The following NTAQ1 variants were observed in gnomAD, a reference collection of about 807,000 sequenced individuals.
NTAQ1 encodes the protein N-terminal glutamine amidase 1.
Under a neutral mutation model 28.2 loss-of-function variants are expected in NTAQ1, and 21 were observed. The ratio of observed to expected loss-of-function variants is 0.74; its 90% CI spans 0.53 to 1.07. The LOEUF is 1.07. NTAQ1 is among the 50% of genes least tolerant of loss of function. The pLI, the probability that NTAQ1 is intolerant of heterozygous loss-of-function variation, is 0.00. For synonymous variants in NTAQ1, 105 were observed against 90.0 expected, an observed-to-expected ratio of 1.17 and a Z score of -0.94; for missense variants, 264 against 256.6, an observed-to-expected ratio of 1.03 and a Z score of -0.20.
At chr8:123,437,130 A>T (rs1158420703) in intron 4 of NTAQ1, 80 bp from the exon 5 acceptor site, 1 of 1,567,726 alleles carries the variant, frequency 6.4e-7, no homozygotes, top group Non-Finnish European at 8.7e-7. Flanking sequence ...ATGTCATAGG[A>T]AATGAGTCGA....
Position 123,441,703 on chromosome 8 carries a change from G to C in NTAQ1, c.*288G>C, listed in dbSNP as rs1815078286. The C allele has an allele frequency of 5.7e-6, 2 of 353,438 alleles. No individual in the cohort carries two copies. Among genetic ancestry groups the C allele is most frequent in the Admixed American group, 8.2e-5 (2 of 24,510 alleles). The allele number at this position is 353,438 out of a possible 1,614,324, so 21.9% of individuals were successfully genotyped here. On this transcript the variant is annotated 3_prime_UTR_variant, in exon 6 of 6. Transcript: ENST00000287387. Reference sequence around the variant, plus strand: ...GCCAGTAATCGTTTTTGTTCAGATAGAGGTGTGGAGGTAGAGCCAGCCCCT... The same window carrying C: ...GCCAGTAATCGTTTTTGTTCAGATACAGGTGTGGAGGTAGAGCCAGCCCCT...
intron 3 of NTAQ1, 129 bp downstream of exon 3, chr8:123,430,162 C>T: frequency 1.8e-6 from 1 of 562,500 alleles, no homozygotes; most frequent in Non-Finnish European, 3.1e-6. Context: ...ATAAATTGAC[C>T]TTTTGAGAAT....
chr8:123,440,127 C>T lies in NTAQ1; in HGVS notation c.509-1179C>T, dbSNP rs75403659. The stretch of plus-strand genomic sequence containing the variant: ...CTGAGATTATAGGCATGAGCCACCA[C>T]GCTGGCCAGGATTAACTCCTTTTTT... On this transcript the variant is annotated intron_variant, in intron 5 of 5. Transcript: ENST00000287387. Among the ~76,000 whole-genome samples, 559 of 144,774 alleles carry T rather than the reference C, an allele frequency of 3.9e-3. 4 individuals are homozygous for T. Among genetic ancestry groups the T allele is most frequent in the African/African-American group, 0.014 (524 of 38,724 alleles). 95.0% of individuals were successfully genotyped at this position (144,774 alleles called of 152,430 possible).
At chr8:123,427,551 AGCCACCAC>A (rs1408920076) in intron 1 of NTAQ1, among the ~76,000 whole-genome samples, 1 of 152,160 alleles carries the variant, frequency 6.6e-6, no homozygotes, top group African/African-American at 2.4e-5. Flanking sequence ...TACTGGCCTG[AGCCACCAC>A]GCCTGGCCTT....
At chr8:123,463,843 C>G (rs1193158963) in intron 6 of NTAQ1, among the ~76,000 whole-genome samples, 1 of 152,136 alleles carries the variant, frequency 6.6e-6, no homozygotes, top group African/African-American at 2.4e-5. Flanking sequence ...TGTCCCCACC[C>G]AAATCTCATC....
At chr8:123,465,099 C>T (rs955408461) in intron 6 of NTAQ1, among the ~76,000 whole-genome samples, 1 of 152,078 alleles carries the variant, frequency 6.6e-6, no homozygotes, top group Non-Finnish European at 1.5e-5. Flanking sequence ...TTTTTAAAAC[C>T]CTTTTATTTT....
chr8:123,457,396 A>G lies in NTAQ1; in HGVS notation c.373-9683A>G, dbSNP rs78235491. Among the ~76,000 whole-genome samples, 978 of 152,318 alleles carry G rather than the reference A, an allele frequency of 6.4e-3. 15 individuals are homozygous for G. Among genetic ancestry groups the G allele is most frequent in the African/African-American group, 0.022 (934 of 41,566 alleles). On this transcript the variant is annotated intron_variant, in intron 6 of 6. Coordinates refer to the NTAQ1 transcript ENST00000650311. ...TTAAAAAAAAAATCTTAAACATGAT[A>G]TAAATATTCTTTTGTATGTATTAGT...
intron 6 of NTAQ1, among the ~76,000 whole-genome samples, chr8:123,454,401 T>C (rs1563904212): frequency 6.6e-6 from 1 of 152,158 alleles, no homozygotes; most frequent in Non-Finnish European, 1.5e-5. Flanking sequence ...GGAGTTTCAC[T>C]GTGGTTGCCC....
downstream of NTAQ1, among the ~76,000 whole-genome samples, chr8:123,443,997 G>A (rs774560329): frequency 1.3e-5 from 2 of 151,542 alleles, no homozygotes; most frequent in African/African-American, 2.4e-5. Context: ...GTTGTTTATC[G>A]GGCTTAGGAA....
chr8:123,451,015 T>C (rs1180343835), downstream of NTAQ1, among the ~76,000 whole-genome samples: 1 of 152,226 alleles, frequency 6.6e-6, no homozygotes, highest in Non-Finnish European at 1.5e-5. Context: ...GGATTACGGC[T>C]GTCTCTGTGA....
chr8:123,472,282 G>A (rs1227214227), downstream of NTAQ1, among the ~76,000 whole-genome samples: 3 of 152,306 alleles, frequency 2.0e-5, no homozygotes, highest in South Asian at 2.1e-4. Flanking sequence ...AATGGCTCAT[G>A]GGTTATTAAT....
intron 6 of NTAQ1, among the ~76,000 whole-genome samples, chr8:123,456,053 C>A (rs1815641607): frequency 6.6e-6 from 1 of 152,136 alleles, no homozygotes; most frequent in South Asian, 2.1e-4. Flanking sequence ...TTAAGAGCAT[C>A]TTTTTAGGTC....
chr8:123,436,551 T>G lies in NTAQ1; in HGVS notation c.333T>G (p.Tyr111Ter). Residue 111 changes from tyrosine to a stop codon, truncating the protein, a stop_gained, in exon 4 of 6, where the codon TAT becomes TAG. Coordinates refer to ENST00000287387, the MANE Select transcript of NTAQ1 (RefSeq NM_018024.3). LOFTEE classifies it high-confidence loss of function. ...CATTTCCCTGCCTCTTTGACACTTA[T>G]GTAGAAGATGCCTTTAAGTCTGATG... ...VLPFPCLFDTYVEDAFKSDDD... is the reference protein window; with the variant it reads ...VLPFPCLFDT The G allele has an allele frequency of 1.9e-6, 3 of 1,614,092 alleles. No individual in the cohort carries two copies. Among genetic ancestry groups the G allele is most frequent in the East Asian group, 2.2e-5 (1 of 44,860 alleles).
downstream of NTAQ1, among the ~76,000 whole-genome samples, chr8:123,450,936 G>A (rs998255507): frequency 6.6e-6 from 1 of 152,074 alleles, no homozygotes; most frequent in Non-Finnish European, 1.5e-5. Flanking sequence ...CCACCACTTT[G>A]CAATGGCCTC....
intron 6 of NTAQ1, among the ~76,000 whole-genome samples, chr8:123,458,149 T>A (rs1456482117): frequency 7.2e-6 from 1 of 138,120 alleles, no homozygotes; most frequent in Non-Finnish European, 1.5e-5. Flanking sequence ...TTGCCCAGGC[T>A]GGTCTGGAAC....
At chr8:123,471,089 T>TA (rs1490748283), downstream of NTAQ1, among the ~76,000 whole-genome samples, 46 of 151,794 alleles carry the variant, frequency 3.0e-4, no homozygotes, top group African/African-American at 1.0e-3. Context: ...CCTGGCAAAT[T>TA]AAAAAAAGAT....
At chr8:123,428,135 G>A (rs1814179656) in intron 2 of NTAQ1, 112 bp downstream of exon 2, 1 of 715,788 alleles carries the variant, frequency 1.4e-6, no homozygotes, top group Non-Finnish European at 2.2e-6. Flanking sequence ...CTTCTGAAGT[G>A]TGCTTTATTA....
chr8:123,431,418 G>A (rs1814386183), intron 3 of NTAQ1, among the ~76,000 whole-genome samples: 1 of 151,738 alleles, frequency 6.6e-6, no homozygotes, highest in African/African-American at 2.4e-5. Context: ...CTGATGAATT[G>A]GAACAAACTC....
intron 6 of NTAQ1, among the ~76,000 whole-genome samples, chr8:123,458,104 T>G (rs1815706747): frequency 6.8e-6 from 1 of 147,910 alleles, no homozygotes; most frequent in Admixed American, 6.7e-5. Flanking sequence ...TCACTGTTTT[T>G]TTTTTTTTTT....
Sources: gnomAD v4.1 joint callset for allele counts (sites outside exome capture counted in the v4.1 genomes callset) on GRCh38, gnomAD v4.1.1 for gene constraint, MANE v1.5 for transcripts, NCBI Gene and HGNC (gene_info 2026-07-23, HGNC 2026-07-21) for gene names.